Variants in TENM1 observed in about 807,000 individuals in gnomAD.
TENM1 encodes the protein teneurin transmembrane protein 1.
TENM1 carries 35 observed loss-of-function variants against 174.8 expected under a neutral mutation model. The ratio of observed to expected loss-of-function variants is 0.20; its 90% CI spans 0.15 to 0.27. The LOEUF (loss-of-function observed/expected upper bound fraction) is 0.27, where lower values mean the gene tolerates loss of function less well. TENM1 is among the 10% of genes least tolerant of loss of function. The probability of loss-of-function intolerance (pLI) is 1.00; values close to 1 mark genes in which losing one functional copy is unlikely to be tolerated. For synonymous variants in TENM1, 781 were observed against 798.7 expected (o/e 0.98, Z 0.37); for missense variants, 1,633 against 2,130.1 (o/e 0.77, Z 4.59).
At chrX:124,537,578 C>T (rs145392139) in intron 15 of TENM1, among the ~76,000 whole-genome samples, 1,733 of 111,677 alleles carry the variant, frequency 0.016, 27 homozygotes, top group African/African-American at 0.053. Flanking sequence ...AGAAAGTGAT[C>T]GCCTACAAAG....
the TENM1 span, among the ~76,000 whole-genome samples, chrX:125,103,727 G>A: frequency 6.2e-5 from 7 of 112,426 alleles, no homozygotes; most frequent in Non-Finnish European, 9.4e-5. Context: ...GGCTCACGCC[G>A]GTAATCCCAG....
At chrX:124,392,471 AC>A in intron 27 of TENM1, 123 bp from the exon 31 acceptor site, 3 of 528,740 alleles carry the variant, frequency 5.7e-6, no homozygotes, top group Non-Finnish European at 9.3e-6. Context: ...CTGAAGCCTC[AC>A]GGCTTCACAT....
At chrX:124,468,805 C>T (rs988197728) in intron 22 of TENM1, among the ~76,000 whole-genome samples, 11 of 111,734 alleles carry the variant, frequency 9.8e-5, no homozygotes, top group Non-Finnish European at 1.9e-4. Flanking sequence ...AATAAAAACA[C>T]GTAAATTATA....
At chrX:124,758,906 G>A (rs748516808) in intron 3 of TENM1, among the ~76,000 whole-genome samples, 130 of 110,892 alleles carry the variant, frequency 1.2e-3, no homozygotes, top group Non-Finnish European at 2.0e-3. Context: ...TTGTTTAATG[G>A]GTATAAATTT....
At chrX:124,602,663 T>C (rs2050056354) in intron 11 of TENM1, among the ~76,000 whole-genome samples, 1 of 109,422 alleles carries the variant, frequency 9.1e-6, no homozygotes, top group South Asian at 4.0e-4. Flanking sequence ...TAAGGGGAGA[T>C]TATAGGCCAC....
At chrX:124,685,061 C>T (rs185006722) in intron 5 of TENM1, among the ~76,000 whole-genome samples, 1 of 110,622 alleles carries the variant, frequency 9.0e-6, no homozygotes, top group East Asian at 2.8e-4. Flanking sequence ...TCTTTAATGA[C>T]TGGAGAAGGT....
chrX:124,570,880 T>C (rs2843534), intron 11 of TENM1, among the ~76,000 whole-genome samples: 34,387 of 110,537 alleles, frequency 0.31, 4,318 homozygotes, highest in African/African-American at 0.48. Flanking sequence ...ATGATCATCA[T>C]TTCTACACAA....
chrX:124,425,655 C>T (rs1384272220), intron 23 of TENM1, among the ~76,000 whole-genome samples: 4 of 112,348 alleles, frequency 3.6e-5, no homozygotes, highest in Admixed American at 1.9e-4. Flanking sequence ...TCATAAATTA[C>T]CCAGTCTGTG....
intron 4 of TENM1, among the ~76,000 whole-genome samples, chrX:124,712,229 A>G (rs1276278282): frequency 1.8e-5 from 2 of 111,691 alleles, no homozygotes; most frequent in Non-Finnish European, 3.8e-5. Context: ...TTGCTGGATC[A>G]TACAGTAGTT....
chrX:124,969,779 T>C, the TENM1 span, among the ~76,000 whole-genome samples: 31 of 111,881 alleles, frequency 2.8e-4, no homozygotes, highest in Non-Finnish European at 1.9e-5. Flanking sequence ...CTTCAGAACA[T>C]GTGGCAGAAT....
rs1371196027 is a variant in TENM1 at position 124,723,591 on chromosome X, GTTTTTTTTTTTGTTTTTTTT to G, written c.776+13346_776+13365del. On this transcript the variant is annotated intron_variant, in intron 4 of 31. Transcript: ENST00000422452. ...CTCTGGAAGCAGACATATCTGGTGGGTTTTTTTTTTTGTTTTTTTTTTTTTTTTTTGACGGAGTCTCACTC... is the reference window on the plus strand; with the variant it reads ...CTCTGGAAGCAGACATATCTGGTGGGTTTTTTTTTTGACGGAGTCTCACTC... Among the ~76,000 whole-genome samples, 7 of 86,902 alleles carry G rather than the reference GTTTTTTTTTTTGTTTTTTTT, an allele frequency of 8.1e-5. No individual in the cohort carries two copies. In the East Asian group the frequency reaches 1.8e-3, roughly 22 times the overall value. The allele number at this position is 86,902 out of a possible 115,157, so 75.5% of individuals were successfully genotyped here. A position where few individuals can be genotyped will look rare whatever the true frequency, so the allele number is the denominator to read the frequency against.
the TENM1 span, among the ~76,000 whole-genome samples, chrX:125,122,660 C>G: frequency 1.8e-5 from 2 of 111,170 alleles, no homozygotes; most frequent in East Asian, 5.7e-4. Context: ...AAGTATCAAC[C>G]ATAGTAACCC....
chrX:124,540,865 C>T (rs918666091), intron 15 of TENM1, among the ~76,000 whole-genome samples: 1 of 111,666 alleles, frequency 9.0e-6, no homozygotes, highest in Non-Finnish European at 1.9e-5. Context: ...TAGCAGCAGT[C>T]TTCCTGCTGA....
intron 3 of TENM1, among the ~76,000 whole-genome samples, chrX:124,860,657 C>G (rs2056895296): frequency 9.0e-6 from 1 of 111,691 alleles, no homozygotes; most frequent in Non-Finnish European, 1.9e-5. Context: ...ACAACTGAAA[C>G]CCAAGTTGTT....
chrX:124,789,438 T>G (rs2055125349), intron 3 of TENM1, among the ~76,000 whole-genome samples: 1 of 111,744 alleles, frequency 8.9e-6, no homozygotes, highest in African/African-American at 3.3e-5. Context: ...GATTTTCTTT[T>G]CTATTGCATT....
intron 3 of TENM1, among the ~76,000 whole-genome samples, chrX:124,838,768 CCTCT>C (rs1225292515): frequency 9.0e-6 from 1 of 110,573 alleles, no homozygotes; most frequent in Non-Finnish European, 1.9e-5. Flanking sequence ...TCTGTCTCTC[CCTCT>C]CTCTCTATAT....
intron 8 of TENM1, among the ~76,000 whole-genome samples, chrX:124,650,442 T>C (rs903062995): frequency 9.0e-6 from 1 of 110,755 alleles, no homozygotes; most frequent in Non-Finnish European, 1.9e-5. Flanking sequence ...ATGATATGAA[T>C]TGTATCTCAA....
intron 28 of TENM1, among the ~76,000 whole-genome samples, chrX:124,388,495 C>T (rs1289971772): frequency 1.8e-5 from 2 of 112,427 alleles, no homozygotes; most frequent in African/African-American, 6.5e-5. Context: ...TGCTTTTTCA[C>T]TTTGGGTGGG....
chrX:124,590,971 A>T (rs1262832619), intron 11 of TENM1, among the ~76,000 whole-genome samples: 1 of 112,127 alleles, frequency 8.9e-6, no homozygotes, highest in Non-Finnish European at 1.9e-5. Flanking sequence ...TGGACCCTTT[A>T]TCATTATGTA....
Sources: gnomAD v4.1 joint callset for allele counts (sites outside exome capture counted in the v4.1 genomes callset) on GRCh38, gnomAD v4.1.1 for gene constraint, MANE v1.5 for transcripts, NCBI Gene and HGNC (gene_info 2026-07-23, HGNC 2026-07-21) for gene names.